The following GAD1 variants were observed in gnomAD, a reference collection of about 807,000 sequenced individuals.
GAD1 encodes glutamate decarboxylase 1, also known as 67 kDa glutamic acid decarboxylase.
A neutral mutation model predicts 75.2 loss-of-function variants in GAD1; 35 were observed. That is an observed-to-expected ratio of 0.47 (90% CI 0.36 to 0.62). The LOEUF is 0.62. Ranked by LOEUF, GAD1 falls within the 20% of genes least tolerant of loss-of-function variation. The pLI, the probability that GAD1 is intolerant of heterozygous loss-of-function variation, is 0.00. For synonymous variants in GAD1, 257 were observed against 271.9 expected (o/e 0.95, Z 0.54); for missense variants, 490 against 758.5 (o/e 0.65, Z 4.16).
chr2:170,853,880 T>C lies in GAD1; in HGVS notation c.1271T>C (p.Leu424Pro), dbSNP rs1702797785. The change falls in exon 14 of 17, where the codon CTC (leucine) becomes CCC (proline). Residue 424 changes from leucine to proline, a missense_variant. Transcript: ENST00000358196. The surrounding 1 kb of genome is among the most constrained non-coding windows in gnomAD (Gnocchi z 4.1). ...SAILVKEKGI[L>P]QGCNQMCAGY... ...TCTTAATTTCCATGATAGGGTATACTCCAAGGATGCAACCAGATGTGTGCA... is the reference window on the plus strand; with the variant it reads ...TCTTAATTTCCATGATAGGGTATACCCCAAGGATGCAACCAGATGTGTGCA... 6.2e-7 allele frequency: 1 copy of C among 1,614,100 alleles called. No individual in the cohort carries two copies. The highest frequency in any genetic ancestry group is 8.5e-7 in the Non-Finnish European group (1 of 1,180,022).
intron 12 of GAD1, among the ~76,000 whole-genome samples, chr2:170,850,254 A>C (rs973211208): frequency 4.6e-5 from 7 of 152,240 alleles, no homozygotes; most frequent in Non-Finnish European, 7.3e-5. Context: ...TTCATAACAA[A>C]TATTTAATCT....
Position 170,853,467 on chromosome 2 carries a change from G to T in GAD1, c.1264-406G>T. ...TTAATGTCATAGGAGGTCCTGGAAA[G>T]GTTGGAAGACTTTTGCCAGAGCGCT... On this transcript the variant is annotated intron_variant, in intron 13 of 16. Coordinates refer to ENST00000358196, the MANE Select transcript of GAD1 (RefSeq NM_000817.3). The surrounding 1 kb of genome is among the most constrained non-coding windows in gnomAD (Gnocchi z 4.1). The T allele has an allele frequency of 7.6e-6, 2 of 262,018 alleles. 1 individual carries two copies. Among genetic ancestry groups the T allele is most frequent in the South Asian group, 1.0e-4 (2 of 19,584 alleles). The allele number at this position is 262,018 out of a possible 1,614,324, so 16.2% of individuals were successfully genotyped here.
chr2:170,853,405 C>A lies in GAD1; in HGVS notation c.1264-468C>A, dbSNP rs1702785583. The A allele has an allele frequency of 9.7e-6, 2 of 207,086 alleles. No individual in the cohort carries two copies. The highest frequency in any genetic ancestry group is 4.6e-5 in the African/African-American group (2 of 43,462). The allele number at this position is 207,086 out of a possible 1,614,324, so 12.8% of individuals were successfully genotyped here. A position where few individuals can be genotyped will look rare whatever the true frequency, so the allele number is the denominator to read the frequency against. ...TCCAGCCTGTAGGAGCCAGAATCTG[C>A]ACAGCGTCTTTAGTCCACTCATATG... On this transcript the variant is annotated intron_variant, in intron 13 of 16. Coordinates refer to ENST00000358196, the MANE Select transcript of GAD1 (RefSeq NM_000817.3). This position sits in a 1 kb window ranked among gnomAD's most constrained non-coding sequence, Gnocchi z 4.1.
At position 170,849,318 on chromosome 2, in the gene GAD1, G is replaced by A; in HGVS notation, c.1152G>A (p.Arg384=). ...GGGGAGGTGGGCTGCTCATGTCCAGGAAGCACCGCCATAAACTCAACGGCA... is the reference window on the plus strand; with the variant it reads ...GGGGAGGTGGGCTGCTCATGTCCAGAAAGCACCGCCATAAACTCAACGGCA... The part of the protein sequence containing the change: ...AAWGGGLLMS[R]KHRHKLNGIE... Residue 384 remains arginine, a synonymous_variant, in exon 12 of 17, where the codon AGG becomes AGA. Transcript: ENST00000358196. The A allele has an allele frequency of 6.2e-7, 1 of 1,614,018 alleles. No individual in the cohort carries two copies. The highest frequency in any genetic ancestry group is 8.5e-7 in the Non-Finnish European group (1 of 1,180,014).
upstream of GAD1, among the ~76,000 whole-genome samples, chr2:170,815,090 G>C (rs961003703): frequency 6.6e-6 from 1 of 152,054 alleles, no homozygotes; most frequent in African/African-American, 2.4e-5. Flanking sequence ...TGATTGGTGC[G>C]AGCGTCTCGT....
rs763003381 is a variant in GAD1 at position 170,845,631 on chromosome 2, G to A, written c.867+10G>A. 17 of 1,613,308 alleles carry A rather than the reference G, an allele frequency of 1.1e-5. No homozygotes were observed. Among genetic ancestry groups the A allele is most frequent in the Non-Finnish European group, 1.4e-5 (16 of 1,179,432 alleles). ...CTTCACCTCAGAACAGGTGAGTCGG[G>A]GATGCTTTCTCATGGATAGTGGTGT... is the stretch of plus-strand genomic sequence containing the variant. On this transcript the variant is annotated intron_variant, in intron 8 of 16. Coordinates refer to ENST00000358196, the MANE Select transcript of GAD1 (RefSeq NM_000817.3).
intron 6 of GAD1, among the ~76,000 whole-genome samples, chr2:170,843,619 CTTTTT>C (rs56763249): frequency 7.5e-6 from 1 of 134,144 alleles, no homozygotes; most frequent in Non-Finnish European, 1.6e-5. Flanking sequence ...TGGCAGTCAG[CTTTTT>C]TTTTTTTTTT....
At chr2:170,834,182 C>G (rs1702311146) in intron 5 of GAD1, among the ~76,000 whole-genome samples, 1 of 152,178 alleles carries the variant, frequency 6.6e-6, no homozygotes, top group Non-Finnish European at 1.5e-5. Context: ...CCTGCTATAT[C>G]TCAGGATTTT....
intron 6 of GAD1, chr2:170,842,530 G>A (rs1478809606): frequency 6.3e-7 from 1 of 1,597,030 alleles, no homozygotes; most frequent in Non-Finnish European, 8.6e-7. Flanking sequence ...GGCAGCACAG[G>A]CTAAACCAGG....
At chr2:170,842,855 C>A in intron 6 of GAD1, 2 of 816,786 alleles carry the variant, frequency 2.4e-6, no homozygotes, top group Non-Finnish European at 1.8e-6. Flanking sequence ...GTAGCTTCAC[C>A]TGTGTCTTAT....
At chr2:170,826,922 T>C (rs1702040002) in intron 3 of GAD1, among the ~76,000 whole-genome samples, 2 of 152,210 alleles carry the variant, frequency 1.3e-5, no homozygotes, top group Non-Finnish European at 1.5e-5. Flanking sequence ...GGCTCCTGGC[T>C]CTGGACTTTG....
At chr2:170,836,111 C>CTT (rs767548786) in intron 5 of GAD1, among the ~76,000 whole-genome samples, 31 of 141,208 alleles carry the variant, frequency 2.2e-4, no homozygotes, top group African/African-American at 7.0e-4. Flanking sequence ...GGTTGTTTTT[C>CTT]TTTTTTTTTT....
At chr2:170,848,601 T>C in intron 11 of GAD1, 1 of 461,890 alleles carries the variant, frequency 2.2e-6, no homozygotes, top group South Asian at 1.6e-5. Flanking sequence ...ATCCCAAATC[T>C]TCCCAGGAAC....
chr2:170,852,942 C>T (rs1320628330), intron 13 of GAD1, 150 bp downstream of exon 13: 1 of 728,782 alleles, frequency 1.4e-6, no homozygotes, highest in Admixed American at 2.0e-5. Context: ...CTTTCCTGCC[C>T]TTGCAGCTAA....
intron 5 of GAD1, among the ~76,000 whole-genome samples, chr2:170,836,124 T>C (rs1467271652): frequency 1.3e-5 from 2 of 151,292 alleles, no homozygotes; most frequent in African/African-American, 2.4e-5. Context: ...TTTTTTTTTT[T>C]CAGAAGCAAA....
At chr2:170,859,337 A>G (rs556764515) in intron 16 of GAD1, among the ~76,000 whole-genome samples, 115 of 152,300 alleles carry the variant, frequency 7.6e-4, no homozygotes, top group African/African-American at 2.7e-3. Flanking sequence ...ATAACATTTC[A>G]TTCATCCAAC....
At chr2:170,822,015 C>A (rs964765426) in intron 2 of GAD1, 72 bp from the exon 3 acceptor site, 1 of 1,279,408 alleles carries the variant, frequency 7.8e-7, no homozygotes, top group Non-Finnish European at 1.1e-6. Context: ...CCAAGAAAAC[C>A]ATTGTCCTCC....
chr2:170,817,342 G>A (rs116704777), intron 1 of GAD1: 3,239 of 151,126 alleles, frequency 0.021, 135 homozygotes, highest in Admixed American at 0.11. Context: ...ATTTTCCCTT[G>A]AGCTTCCATG....
intron 12 of GAD1, among the ~76,000 whole-genome samples, chr2:170,851,899 A>T (rs1448560064): frequency 6.6e-6 from 1 of 152,200 alleles, no homozygotes; most frequent in Non-Finnish European, 1.5e-5. Flanking sequence ...GCATTTAAAT[A>T]ATTCTGCTAG....
Sources: gnomAD v4.1 joint callset for allele counts (sites outside exome capture counted in the v4.1 genomes callset) on GRCh38, gnomAD v4.1.1 for gene constraint, Gnocchi (gnomAD v3.1) non-coding constraint, MANE v1.5 for transcripts, NCBI Gene and HGNC (gene_info 2026-07-23, HGNC 2026-07-21) for gene names.